Variants in NOVA2 observed in about 807,000 individuals in gnomAD.
NOVA2 encodes the protein RNA-binding protein Nova-2.
A neutral mutation model predicts 22.5 loss-of-function variants in NOVA2; 9 were observed. The ratio of observed to expected loss-of-function variants is 0.40; its 90% confidence interval spans 0.24 to 0.70. The LOEUF (loss-of-function observed/expected upper bound fraction) is 0.70, where lower values mean the gene tolerates loss of function less well. Among genes scored for constraint, NOVA2 ranks in the 30% least tolerant of loss-of-function variants. The pLI is 0.38. For synonymous variants in NOVA2, 318 were observed against 335.2 expected, an observed-to-expected ratio of 0.95 and a Z score of 0.56; for missense variants, 383 against 682.8, an observed-to-expected ratio of 0.56 and a Z score of 4.89.
intron 2 of NOVA2, among the ~76,000 whole-genome samples, chr19:45,957,932 A>T (rs1340081370): frequency 6.6e-6 from 1 of 151,808 alleles, no homozygotes; most frequent in African/African-American, 2.4e-5. Flanking sequence ...CCCTGTCTCT[A>T]CTAAAATACA....
In NOVA2 at chr19:45,973,762, A is replaced by G. The variant is rs1968268032; in HGVS notation, c.-411T>C. On this transcript the variant is annotated 5_prime_UTR_variant, in exon 1 of 4. Transcript: ENST00000263257. ...CCGATAGGGCCGGGAAAGAACTGAG[A>G]GGTGGGGTCTCTCCTGGGACCACAG... 1.4e-5 allele frequency among the ~76,000 whole-genome samples: 2 copies of G among 145,700 alleles called. No individual in the cohort carries two copies. Among genetic ancestry groups the G allele is most frequent in the African/African-American group, 5.1e-5 (2 of 38,886 alleles).
chr19:45,939,986 C>T lies in NOVA2; in HGVS notation c.1356G>A (p.Thr452=), dbSNP rs927078324. 13 of 1,614,108 alleles carry T rather than the reference C, an allele frequency of 8.1e-6. No homozygotes were observed. The highest frequency in any genetic ancestry group is 1.1e-5 in the Non-Finnish European group (13 of 1,179,986). ...CCGTGATGGTGACCCGCCGGTTCCG[C>T]GTGCCTGGCAGGAACTCGCCCTTCT... ...ISKKGEFLPG[T]RNRRVTITGS... is the part of the protein sequence containing the mutation. Residue 452 remains threonine (T), a synonymous_variant, in exon 4 of 4, where the codon ACG becomes ACA. Transcript: ENST00000263257.
rs372234470 is a variant in NOVA2 at position 45,940,193 on chromosome 19, G to A, written c.1149C>T (p.Ala383=). 1,180 of 1,552,094 alleles carry A rather than the reference G, an allele frequency of 7.6e-4. 7 individuals carry two copies. In the African/African-American group the frequency reaches 0.012, roughly 15 times the overall value. The change falls in exon 4 of 4, where the codon GCC becomes GCT. Residue 383 remains alanine, a synonymous_variant. Transcript: ENST00000263257. ...CGGCCGCCCCGGCCGCGGCTGCAGCGGCCACCAGCGGGCCGCCCCCTCCGC... is the reference window on the plus strand; with the variant it reads ...CGGCCGCCCCGGCCGCGGCTGCAGCAGCCACCAGCGGGCCGCCCCCTCCGC... The part of the protein sequence containing the change: ...GAGGGGGPLV[A]AAAAAGAAGG...
intron 2 of NOVA2, among the ~76,000 whole-genome samples, chr19:45,954,730 C>T (rs569861185): frequency 6.7e-6 from 1 of 149,708 alleles, no homozygotes; most frequent in South Asian, 2.1e-4. Flanking sequence ...CTTCTCATTT[C>T]TGCATGAGAG....
intron 3 of NOVA2, among the ~76,000 whole-genome samples, chr19:45,949,483 C>T (rs979718852): frequency 6.6e-6 from 1 of 152,070 alleles, no homozygotes; most frequent in African/African-American, 2.4e-5. Flanking sequence ...GGTTTGAGGA[C>T]AAGGGGTTAA....
intron 2 of NOVA2, among the ~76,000 whole-genome samples, chr19:45,957,764 TTAGGGTA>T (rs1311700451): frequency 1.3e-5 from 2 of 151,152 alleles, no homozygotes; most frequent in Non-Finnish European, 3.0e-5. Context: ...TCTTCAGCAG[TTAGGGTA>T]TAAAGCTTCA....
chr19:45,970,238 A>T (rs900619608), intron 1 of NOVA2, among the ~76,000 whole-genome samples: 6 of 152,222 alleles, frequency 3.9e-5, no homozygotes, highest in Non-Finnish European at 7.3e-5. Context: ...GGCATACTGC[A>T]GTATCGTAAG....
chr19:45,944,003 C>T (rs892074614), intron 3 of NOVA2, among the ~76,000 whole-genome samples: 3 of 152,208 alleles, frequency 2.0e-5, no homozygotes, highest in East Asian at 1.9e-4. Context: ...TCAGTAGCAA[C>T]AGCATTTGTA....
intron 3 of NOVA2, among the ~76,000 whole-genome samples, chr19:45,948,116 C>A (rs1166895132): frequency 6.6e-6 from 1 of 152,098 alleles, no homozygotes; most frequent in African/African-American, 2.4e-5. Context: ...AGAGTGAGTG[C>A]CCTTCAGGTG....
At position 45,938,372 on chromosome 19, in the gene NOVA2, A is replaced by ATT. The variant is rs1967687635; in HGVS notation, c.*1490_*1491insAA. ...CTGATCCATCAGACATCACCGAAGT[A>ATT]TGCCAGCTTGCTGGAAGCCACCAAA... is the stretch of plus-strand genomic sequence containing the variant. On this transcript the variant is annotated 3_prime_UTR_variant, in exon 4 of 4. Transcript: ENST00000263257. 1 of 152,438 alleles carries ATT rather than the reference A, an allele frequency of 6.6e-6. No homozygotes were observed. The highest frequency in any genetic ancestry group is 2.4e-5 in the African/African-American group (1 of 41,470). The allele number at this position is 152,438 out of a possible 1,614,324, so 9.4% of individuals were successfully genotyped here.
At chr19:45,955,016 T>C (rs2146417711) in intron 2 of NOVA2, among the ~76,000 whole-genome samples, 1 of 152,200 alleles carries the variant, frequency 6.6e-6, no homozygotes, top group South Asian at 2.1e-4. Flanking sequence ...CGTGCCCTTG[T>C]GTGTGGGACA....
At chr19:45,947,220 G>A (rs764598271) in intron 3 of NOVA2, among the ~76,000 whole-genome samples, 5 of 151,998 alleles carry the variant, frequency 3.3e-5, no homozygotes, top group East Asian at 3.9e-4. Context: ...GGTTCTCAGC[G>A]CCTAGAAAAG....
intron 3 of NOVA2, among the ~76,000 whole-genome samples, chr19:45,947,100 C>T (rs1967852886): frequency 6.6e-6 from 1 of 152,152 alleles, no homozygotes; most frequent in Non-Finnish European, 1.5e-5. Flanking sequence ...GTATTTTTCA[C>T]TCTCTAACAT....
At chr19:45,954,249 G>A (rs975455381) in intron 2 of NOVA2, among the ~76,000 whole-genome samples, 2 of 152,224 alleles carry the variant, frequency 1.3e-5, no homozygotes, top group East Asian at 3.8e-4. Context: ...GGGAGACAGG[G>A]CTCAGCTGCC....
At chr19:45,973,237 C>T in intron 1 of NOVA2, 30 bp downstream of exon 1, 2 of 1,395,270 alleles carry the variant, frequency 1.4e-6, no homozygotes, top group South Asian at 1.4e-5. Flanking sequence ...CCTGCCCGCT[C>T]CCCCGCCCCG....
chr19:45,955,006 C>T (rs765488466), intron 2 of NOVA2, among the ~76,000 whole-genome samples: 23 of 152,006 alleles, frequency 1.5e-4, no homozygotes, highest in Non-Finnish European at 2.8e-4. Context: ...GATGTTCGTG[C>T]GTGCCCTTGT....
intron 1 of NOVA2, among the ~76,000 whole-genome samples, chr19:45,966,891 T>A (rs1212227725): frequency 6.6e-6 from 1 of 152,052 alleles, no homozygotes; most frequent in Non-Finnish European, 1.5e-5. Context: ...TAAAAAAAAA[T>A]TAAGAAGAAA....
rs1967639336 is a variant in NOVA2 at position 45,935,172 on chromosome 19, C to G, written c.*4691G>C. ...GGGAGGGGGGGTTAGGCAGTCCCCC[C>G]CCAGTTATCTCTGGGAGACAAGTGT... is the stretch of plus-strand genomic sequence containing the variant. On this transcript the variant is annotated 3_prime_UTR_variant, in exon 4 of 4. Transcript: ENST00000263257. The G allele has an allele frequency of 6.6e-6, 1 of 151,344 alleles. No homozygotes were observed. The highest frequency in any genetic ancestry group is 6.6e-5 in the Admixed American group (1 of 15,220). 9.4% of individuals were successfully genotyped at this position (151,344 alleles called of 1,614,324 possible).
At chr19:45,968,763 C>T (rs1348062416) in intron 1 of NOVA2, among the ~76,000 whole-genome samples, 1 of 151,988 alleles carries the variant, frequency 6.6e-6, no homozygotes, top group Non-Finnish European at 1.5e-5. Context: ...AGTGAAATAA[C>T]TCGCCTGAGG....
Sources: gnomAD v4.1 joint callset for allele counts (sites outside exome capture counted in the v4.1 genomes callset) on GRCh38, gnomAD v4.1.1 for gene constraint, MANE v1.5 for transcripts, NCBI Gene and HGNC (gene_info 2026-07-23, HGNC 2026-07-21) for gene names.